The following NRXN1 variants were observed in gnomAD, a reference collection of about 807,000 sequenced individuals.
NRXN1 encodes neurexin-1.
A neutral mutation model predicts 150.9 loss-of-function variants in NRXN1; 39 were observed. The observed-to-expected ratio is 0.26, with a 90% CI of 0.20 to 0.34. The LOEUF (loss-of-function observed/expected upper bound fraction) is 0.34, where lower values mean the gene tolerates loss of function less well. Ranked by LOEUF, NRXN1 falls within the 10% of genes least tolerant of loss-of-function variation. NRXN1 has a pLI of 1.00. For synonymous variants in NRXN1, 924 were observed against 757.0 expected (o/e 1.22, Z -3.62); for missense variants, 1,815 against 1,949.9 (o/e 0.93, Z 1.30).
intron 17 of NRXN1, among the ~76,000 whole-genome samples, chr2:50,431,619 A>G (rs899971395): frequency 1.3e-5 from 2 of 152,192 alleles, no homozygotes; most frequent in Admixed American, 6.5e-5. Flanking sequence ...ACATCATGTA[A>G]AAGTATTATA....
Position 50,497,371 on chromosome 2 carries a change from C to T in NRXN1, c.2841G>A (p.Gly947=), listed in dbSNP as rs201264810. ...SLDGLILYNS[G]DGNDFIVVEL... ...CAACCACAATAAAGTCATTTCCATC[C>T]CCACTGTTATATAGAATTAATCCAT... The change falls in exon 14 of 23, where the codon GGG becomes GGA. Residue 947 remains glycine, a synonymous_variant. Transcript: ENST00000401669. The T allele has an allele frequency of 1.3e-6, 2 of 1,557,164 alleles. No individual in the cohort carries two copies. The highest frequency in any genetic ancestry group is 2.7e-5 in the African/African-American group (2 of 73,516).
chr2:49,942,587 CAAT>C (rs1558549138), intron 22 of NRXN1, among the ~76,000 whole-genome samples: 1 of 137,486 alleles, frequency 7.3e-6, no homozygotes, highest in Admixed American at 7.5e-5. Flanking sequence ...TTAATGCAAA[CAAT>C]ATTATTATTA....
chr2:50,137,648 T>C (rs1234136615), intron 18 of NRXN1, among the ~76,000 whole-genome samples: 2 of 152,208 alleles, frequency 1.3e-5, no homozygotes, highest in Non-Finnish European at 2.9e-5. Context: ...CTCTCAATTA[T>C]TCATTTCAGT....
At chr2:50,190,200 C>T (rs1396995220) in intron 18 of NRXN1, among the ~76,000 whole-genome samples, 1 of 152,070 alleles carries the variant, frequency 6.6e-6, no homozygotes, top group African/African-American at 2.4e-5. Flanking sequence ...GGAAAGTTTG[C>T]AATTAAATAC....
intron 8 of NRXN1, among the ~76,000 whole-genome samples, chr2:50,581,352 A>C (rs1672235758): frequency 6.6e-6 from 1 of 152,200 alleles, no homozygotes; most frequent in Admixed American, 6.5e-5. Context: ...AATCCAAATA[A>C]TAACACTCAT....
chr2:50,354,586 T>TATATATATATATATATATAC (rs1273118975), intron 17 of NRXN1, among the ~76,000 whole-genome samples: 210 of 124,638 alleles, frequency 1.7e-3, no homozygotes, highest in Non-Finnish European at 2.6e-3. Flanking sequence ...TATATATATA[T>TATATATATATATATATATAC]ACACACACAC....
intron 18 of NRXN1, among the ~76,000 whole-genome samples, chr2:50,197,980 C>G (rs2061887824): frequency 6.6e-6 from 1 of 152,126 alleles, no homozygotes; most frequent in Non-Finnish European, 1.5e-5. Context: ...AATCTCTTGT[C>G]TTTTCAGTTT....
chr2:50,985,334 T>C (rs1040037946), intron 2 of NRXN1: 2 of 151,774 alleles, frequency 1.3e-5, no homozygotes, highest in Admixed American at 1.3e-4. Context: ...AAAGAAAAAT[T>C]TTCACTGAGA....
At chr2:49,943,470 C>T (rs1672358005) in intron 22 of NRXN1, among the ~76,000 whole-genome samples, 1 of 152,150 alleles carries the variant, frequency 6.6e-6, no homozygotes, top group Non-Finnish European at 1.5e-5. Flanking sequence ...GGTAGAAGCC[C>T]TGTGTGCTAT....
intron 9 of NRXN1, among the ~76,000 whole-genome samples, chr2:50,542,829 G>T (rs1558909820): frequency 1.3e-5 from 2 of 152,068 alleles, no homozygotes; most frequent in Non-Finnish European, 2.9e-5. Flanking sequence ...ATGAATCAAA[G>T]AACATATTCA....
chr2:50,965,680 G>A (rs1035751165), intron 2 of NRXN1, among the ~76,000 whole-genome samples: 1 of 151,326 alleles, frequency 6.6e-6, no homozygotes, highest in Non-Finnish European at 1.5e-5. Context: ...TATTTGGCTA[G>A]GTAAAACTCA....
At chr2:50,246,326 T>C (rs1196116035) in intron 17 of NRXN1, among the ~76,000 whole-genome samples, 1 of 151,930 alleles carries the variant, frequency 6.6e-6, no homozygotes, top group Non-Finnish European at 1.5e-5. Context: ...GACACTTCTT[T>C]TTGTCCTTAG....
At chr2:50,957,348 T>G in intron 2 of NRXN1, among the ~76,000 whole-genome samples, 1 of 152,140 alleles carries the variant, frequency 6.6e-6, no homozygotes, top group African/African-American at 2.4e-5. Flanking sequence ...TACATAAATT[T>G]TTTATGAGGT....
At chr2:50,603,824 C>T (rs1455394064) in intron 8 of NRXN1, among the ~76,000 whole-genome samples, 2 of 152,144 alleles carry the variant, frequency 1.3e-5, no homozygotes, top group Non-Finnish European at 2.9e-5. Flanking sequence ...GCGTTGCACT[C>T]CACATAGACT....
intron 17 of NRXN1, among the ~76,000 whole-genome samples, chr2:50,451,469 T>A (rs2086959222): frequency 6.6e-6 from 1 of 152,210 alleles, no homozygotes; most frequent in Non-Finnish European, 1.5e-5. Context: ...ATTAGGTTGT[T>A]AGTCACATGT....
chr2:50,315,694 T>C (rs1271899474), intron 17 of NRXN1, among the ~76,000 whole-genome samples: 2 of 152,102 alleles, frequency 1.3e-5, no homozygotes, highest in East Asian at 3.9e-4. Flanking sequence ...TTATAAATTG[T>C]CCTCAGATTC....
rs116402435 is a variant in NRXN1 at position 50,559,179 on chromosome 2, G to A, written c.1321-6154C>T. ...TTTCACCTAGCTGTTATCTTTCTAC[G>A]CACCATCTCCTTATATCAGTGCACT... On this transcript the variant is annotated intron_variant, in intron 8 of 22. Coordinates refer to ENST00000401669, the MANE Select transcript of NRXN1 (RefSeq NM_001330078.2). Among the ~76,000 whole-genome samples the A allele has an allele frequency of 6.1e-3, 932 of 152,092 alleles. 11 individuals carry two copies. Among genetic ancestry groups the A allele is most frequent in the African/African-American group, 0.021 (883 of 41,472 alleles).
chr2:50,598,234 C>T (rs116302817), intron 8 of NRXN1, among the ~76,000 whole-genome samples: 5,918 of 152,006 alleles, frequency 0.039, 180 homozygotes, highest in Middle Eastern at 0.072. Flanking sequence ...CTAAATTTTG[C>T]CTGCCCTTAT....
chr2:50,817,162 AAC>A, intron 5 of NRXN1, among the ~76,000 whole-genome samples: 1 of 152,138 alleles, frequency 6.6e-6, no homozygotes, highest in East Asian at 1.9e-4. Context: ...AAGGAGATAC[AAC>A]AGAGTAAATA....
Sources: allele counts gnomAD v4.1 joint callset (sites outside exome capture counted in the v4.1 genomes callset), GRCh38; gene constraint gnomAD v4.1.1; transcripts MANE v1.5; gene names NCBI Gene and HGNC (gene_info 2026-07-23, HGNC 2026-07-21).